Variants in FBN3 observed in about 807,000 individuals in gnomAD.
FBN3 encodes fibrillin-3.
In FBN3, 234 loss-of-function variants were observed where a neutral mutation model predicts 330.1. That is an observed-to-expected ratio of 0.71 (90% confidence interval 0.64 to 0.79). FBN3 has a LOEUF of 0.79. FBN3 is among the 30% of genes least tolerant of loss of function. The pLI, the probability that FBN3 is intolerant of heterozygous loss-of-function variation, is 0.00. For missense variants in FBN3, 3,606 were observed against 3,886.9 expected, an observed-to-expected ratio of 0.93 and a Z score of 1.92; for synonymous variants, 1,458 against 1,517.3, an observed-to-expected ratio of 0.96 and a Z score of 0.91.
Position 8,131,650 on chromosome 19 carries a change from G to A in FBN3, c.1894C>T (p.Pro632Ser). Residue 632 changes from proline (P) to serine (S), a missense_variant, in exon 15 of 64, where the codon CCC becomes TCC. Pro to Ser is a moderately conservative substitution (Grantham distance 74). Coordinates refer to ENST00000600128, the MANE Select transcript of FBN3 (RefSeq NM_032447.5). This position sits in a 1 kb window ranked among gnomAD's most constrained non-coding sequence, Gnocchi z 4.5. ...GACTTGGTGACAGTGCCAGGGAAGG[G>A]GCGGGCACAGGAGCCCTTCTCGATG... The part of the protein sequence containing the change: ...GAIEKGSCAR[P>S]FPGTVTKSEC... The A allele has an allele frequency of 6.2e-7, 1 of 1,614,240 alleles. No individual in the cohort carries two copies. Among genetic ancestry groups the A allele is most frequent in the African/African-American group, 1.3e-5 (1 of 75,072 alleles).
chr19:8,095,700 C>A (rs576592010), intron 45 of FBN3, among the ~76,000 whole-genome samples, 197 bp from the exon 46 acceptor site: 1 of 152,290 alleles, frequency 6.6e-6, no homozygotes, highest in African/African-American at 2.4e-5. Context: ...CCATGTAATG[C>A]TATGAATTTG....
chr19:8,090,019 G>C (rs979209654), intron 49 of FBN3, 60 bp from the exon 50 acceptor site: 1 of 1,598,724 alleles, frequency 6.3e-7, no homozygotes, highest in African/African-American at 1.3e-5. Flanking sequence ...CCAGGTGTGT[G>C]CAGGGAAGGA....
chr19:8,081,538 T>A, intron 57 of FBN3, 58 bp from the exon 58 acceptor site: 1 of 1,517,906 alleles, frequency 6.6e-7, no homozygotes, highest in Middle Eastern at 1.8e-4. Context: ...CCTGGGGGTG[T>A]TCAGGGACTG....
chr19:8,119,218 G>A (rs1314518288), intron 25 of FBN3, among the ~76,000 whole-genome samples, 196 bp from the exon 26 acceptor site: 1 of 152,192 alleles, frequency 6.6e-6, no homozygotes, highest in African/African-American at 2.4e-5. Flanking sequence ...CCAGCCAGAT[G>A]GGGAGGGAGG....
intron 18 of FBN3, among the ~76,000 whole-genome samples, chr19:8,128,286 A>G (rs2083041910): frequency 6.6e-6 from 1 of 152,152 alleles, no homozygotes; most frequent in African/African-American, 2.4e-5. Context: ...TGTATGGGCC[A>G]GGTGTAGTGG....
At chr19:8,135,936 G>GCGCCCC in intron 13 of FBN3, 25 bp downstream of exon 13, 13 of 668,776 alleles carry the variant, frequency 1.9e-5, no homozygotes, top group South Asian at 3.2e-5. Flanking sequence ...GGAAGCCCCT[G>GCGCCCC]CCCACCCGCC....
rs773398929 is a variant in FBN3, at chr19:8,072,105, C to T, written c.8031G>A (p.Lys2677=). ...LLSSEACYEC[K]INGLSPRDRP... ...GGTCCCGAGGGGAGAGGCCATTGAT[C>T]TTGCATTCGTAGCAGGCTTCAGACG... is the stretch of plus-strand genomic sequence containing the variant. The change falls in exon 63 of 64, where the codon AAG becomes AAA. Residue 2677 remains lysine (K), a synonymous_variant. Coordinates refer to ENST00000600128, the MANE Select transcript of FBN3 (RefSeq NM_032447.5). The T allele has an allele frequency of 9.3e-6, 15 of 1,612,400 alleles. No homozygotes were observed. The Admixed American group carries it at 1.3e-4, about 14-fold the overall frequency.
At chr19:8,141,228 G>T (rs370285424) in intron 8 of FBN3, among the ~76,000 whole-genome samples, 2 of 149,744 alleles carry the variant, frequency 1.3e-5, no homozygotes, top group Admixed American at 6.7e-5. Context: ...TTAGCTAGGC[G>T]TGGTGGCGTG....
chr19:8,087,414 C>T (rs1356224901), intron 53 of FBN3, among the ~76,000 whole-genome samples: 1 of 152,094 alleles, frequency 6.6e-6, no homozygotes, highest in East Asian at 1.9e-4. Context: ...GGAATTGTCC[C>T]CCAAAGCTTG....
intron 6 of FBN3, among the ~76,000 whole-genome samples, chr19:8,143,805 T>C (rs1278824562): frequency 3.3e-5 from 4 of 120,014 alleles, no homozygotes; most frequent in African/African-American, 1.4e-4. Context: ...TTTTCTTTCT[T>C]TCTTTCTTTC....
Position 8,123,570 on chromosome 19 carries a change from C to T in FBN3, c.2976G>A (p.Val992=), listed in dbSNP as rs1230198740. Residue 992 remains valine (V), a synonymous_variant, in exon 24 of 64, where the codon GTG becomes GTA. Transcript: ENST00000600128. ...TACCGTGCGTGCAGAGGCCAGGGAA[C>T]ACCTTGCATTCATTCACATCTGAAG... ...PFYKDVNECK[V]FPGLCTHGTC... is the part of the protein sequence containing the mutation. 1 of 1,614,222 alleles carries T rather than the reference C, an allele frequency of 6.2e-7. No individual in the cohort carries two copies. Among genetic ancestry groups the T allele is most frequent in the Non-Finnish European group, 8.5e-7 (1 of 1,180,018 alleles).
rs1026154924 is a variant in FBN3 at position 8,096,868 on chromosome 19, G to A, written c.5413+13C>T. ...GCCCAGCTCCCTCACCTCCTCCCAG[G>A]GACCCTGCTCACCCACACAAGCCCC... On this transcript the variant is annotated intron_variant, in intron 43 of 63. Transcript: ENST00000600128. This position sits in a 1 kb window ranked among gnomAD's most constrained non-coding sequence, Gnocchi z 4.6. The A allele has an allele frequency of 1.9e-6, 3 of 1,611,630 alleles. No homozygotes were observed. The highest frequency in any genetic ancestry group is 2.5e-6 in the Non-Finnish European group (3 of 1,179,760).
chr19:8,116,639 TC>T lies in FBN3; in HGVS notation c.3712+34del, dbSNP rs751709239. The T allele has an allele frequency of 1.9e-6, 3 of 1,551,206 alleles. No individual in the cohort carries two copies. In the South Asian group the frequency reaches 3.4e-5, roughly 17 times the overall value. On this transcript the variant is annotated intron_variant, in intron 29 of 63. Transcript: ENST00000600128. ...GTGTGTGAATTCTGACACTGCCTCC[TC>T]CACCCGCCCCGCCCCACCGTCCCGG... is the stretch of plus-strand genomic sequence containing the variant.
intron 32 of FBN3, 26 bp from the exon 33 acceptor site, chr19:8,111,209 C>T: frequency 6.4e-7 from 1 of 1,568,292 alleles, no homozygotes; most frequent in Non-Finnish European, 8.6e-7. Flanking sequence ...ATTCGGAGGG[C>T]TGGAGGCCGG....
Position 8,109,797 on chromosome 19 carries a change from G to A in FBN3, c.4334-44C>T, listed in dbSNP as rs369418661. The A allele has an allele frequency of 4.4e-5, 63 of 1,441,336 alleles. No homozygotes were observed. Among genetic ancestry groups the A allele is most frequent in the Non-Finnish European group, 5.5e-5 (60 of 1,095,702 alleles). The allele number at this position is 1,441,336 out of a possible 1,614,324, so 89.3% of individuals were successfully genotyped here. A position where few individuals can be genotyped will look rare whatever the true frequency, so the allele number is the denominator to read the frequency against. On this transcript the variant is annotated intron_variant, in intron 34 of 63. Transcript: ENST00000600128. This position sits in a 1 kb window ranked among gnomAD's most constrained non-coding sequence, Gnocchi z 5.2. ...GTCCTCAGCAGGGAGCCCCTTCCTC[G>A]GCCCCCCTCCCTCCTAGCTTCATCC... is the stretch of plus-strand genomic sequence containing the variant.
Position 8,095,943 on chromosome 19 carries a change from C to A in FBN3, c.5656+21G>T, listed in dbSNP as rs1262095572. The A allele has an allele frequency of 2.0e-6, 3 of 1,523,586 alleles. No homozygotes were observed. In the South Asian group the frequency reaches 3.4e-5, roughly 17 times the overall value. The allele number at this position is 1,523,586 out of a possible 1,614,324, so 94.4% of individuals were successfully genotyped here. A position where few individuals can be genotyped will look rare whatever the true frequency, so the allele number is the denominator to read the frequency against. On this transcript the variant is annotated intron_variant, in intron 45 of 63. Transcript: ENST00000600128. ...TCTGAGAACCCACTTTGTGGCCAGC[C>A]TGCCACCTGAGCCGACTCACCCACA...
At chr19:8,128,101 C>T (rs143208283) in intron 18 of FBN3, among the ~76,000 whole-genome samples, 2 of 152,332 alleles carry the variant, frequency 1.3e-5, no homozygotes, top group Non-Finnish European at 2.9e-5. Flanking sequence ...GTGGAACTTC[C>T]GTGCCTGCTC....
At chr19:8,081,206 C>G (rs1176774472) in intron 58 of FBN3, 87 bp from the exon 59 acceptor site, 1 of 1,493,510 alleles carries the variant, frequency 6.7e-7, no homozygotes, top group Non-Finnish European at 9.3e-7. Context: ...CACCTCCAGG[C>G]AGAGGGGTGA....
At position 8,125,911 on chromosome 19, in the gene FBN3, G is replaced by A. The variant is rs773031863; in HGVS notation, c.2712C>T (p.Ala904=). The change falls in exon 22 of 64, where the codon GCC becomes GCT. Residue 904 remains alanine (A), a synonymous_variant. Transcript: ENST00000600128. ...ACTCACCCACGCACAGCCGGCCTGAGGCGTCCAGCATCAGGCCCTCTGGAC... is the reference window on the plus strand; with the variant it reads ...ACTCACCCACGCACAGCCGGCCTGAAGCGTCCAGCATCAGGCCCTCTGGAC... ...CECPEGLMLD[A]SGRLCVDVRL... 8.7e-6 allele frequency: 14 copies of A among 1,612,944 alleles called. No individual in the cohort carries two copies. Among genetic ancestry groups the A allele is most frequent in the Non-Finnish European group, 1.2e-5 (14 of 1,179,856 alleles).
Sources: allele counts gnomAD v4.1 joint callset (sites outside exome capture counted in the v4.1 genomes callset), GRCh38; gene constraint gnomAD v4.1.1; non-coding constraint Gnocchi (gnomAD v3.1); transcripts MANE v1.5; gene names NCBI Gene and HGNC (gene_info 2026-07-23, HGNC 2026-07-21).